The following PHACTR1 variants were observed in gnomAD, a reference collection of about 807,000 sequenced individuals.
PHACTR1 encodes the protein phosphatase and actin regulator 1.
In PHACTR1, 16 loss-of-function variants were observed where a neutral mutation model predicts 69.2. The ratio of observed to expected loss-of-function variants is 0.23; its 90% CI spans 0.16 to 0.35. The LOEUF is 0.35. Ranked by LOEUF, PHACTR1 falls within the 10% of genes least tolerant of loss-of-function variation. PHACTR1 has a pLI of 1.00. For missense variants in PHACTR1, 510 were observed against 734.7 expected, an observed-to-expected ratio of 0.69 and a Z score of 3.54; for synonymous variants, 312 against 284.5, an observed-to-expected ratio of 1.10 and a Z score of -0.97.
intron 3 of PHACTR1, among the ~76,000 whole-genome samples, chr6:12,726,252 TG>T (rs1177821067): frequency 6.6e-6 from 1 of 152,192 alleles, no homozygotes; most frequent in African/African-American, 2.4e-5. Context: ...AAGGGCTTTT[TG>T]ATATAGAATA....
At chr6:13,018,504 C>T (rs968243049) in intron 4 of PHACTR1, among the ~76,000 whole-genome samples, 3 of 152,076 alleles carry the variant, frequency 2.0e-5, no homozygotes, top group African/African-American at 4.8e-5. Context: ...ATATTAGCTG[C>T]GATTGCTAGC....
chr6:12,933,713 C>A (rs755193535), intron 4 of PHACTR1: 1 of 1,612,734 alleles, frequency 6.2e-7, no homozygotes, highest in Non-Finnish European at 8.5e-7. Context: ...TGGGCTCGAA[C>A]TGTGTTCCCT....
intron 5 of PHACTR1, among the ~76,000 whole-genome samples, chr6:13,127,264 T>C (rs1819677042): frequency 6.6e-6 from 1 of 152,186 alleles, no homozygotes. Context: ...TATCACCTGC[T>C]TTTAAGAAAC....
chr6:13,205,904 G>T lies in PHACTR1; in HGVS notation c.754G>T (p.Gly252Trp). The change falls in exon 8 of 15, where the codon GGG becomes TGG. Residue 252 changes from glycine (G) to tryptophan (W), a missense_variant. Transcript: ENST00000332995. ...GAAAGTCATGATCTGTATGCCCGTG[G>T]GGGGGCCAGACCTCTCACTGGTGTC... ...PKKVMICMPV[G>W]GPDLSLVSYT... 2 of 1,613,670 alleles carry T rather than the reference G, an allele frequency of 1.2e-6. No individual in the cohort carries two copies. Among genetic ancestry groups the T allele is most frequent in the Non-Finnish European group, 1.7e-6 (2 of 1,179,632 alleles).
chr6:13,183,049 G>A (rs933195307), intron 7 of PHACTR1, among the ~76,000 whole-genome samples: 5 of 151,976 alleles, frequency 3.3e-5, no homozygotes, highest in African/African-American at 7.3e-5. Flanking sequence ...TATCTAATTC[G>A]TCTGTCTGAA....
At chr6:12,846,100 A>C (rs1269412142) in intron 4 of PHACTR1, among the ~76,000 whole-genome samples, 1 of 152,148 alleles carries the variant, frequency 6.6e-6, no homozygotes, top group Non-Finnish European at 1.5e-5. Context: ...AAACAAACTG[A>C]GTTCCAAACA....
intron 5 of PHACTR1, among the ~76,000 whole-genome samples, chr6:13,057,398 AAAAG>A (rs1806965177): frequency 6.6e-6 from 1 of 152,216 alleles, no homozygotes; most frequent in African/African-American, 2.4e-5. Flanking sequence ...CACCATTTTA[AAAAG>A]AAAGAATAAG....
chr6:12,943,393 G>T lies in PHACTR1; in HGVS notation c.251-109972G>T, dbSNP rs147921280. Reference sequence around the variant, plus strand: ...GGTATGATTGTTTCTTGCCTACAGGGTTTCCTTTTGGGTTGATGAAAATAT... The same window carrying T: ...GGTATGATTGTTTCTTGCCTACAGGTTTTCCTTTTGGGTTGATGAAAATAT... On this transcript the variant is annotated intron_variant, in intron 4 of 14. Transcript: ENST00000332995. Among the ~76,000 whole-genome samples, 3 of 152,298 alleles carry T rather than the reference G, an allele frequency of 2.0e-5. 1 individual carries two copies. Among genetic ancestry groups the T allele is most frequent in the African/African-American group, 7.2e-5 (3 of 41,562 alleles).
At chr6:13,130,799 T>A (rs2127966228) in intron 5 of PHACTR1, among the ~76,000 whole-genome samples, 2 of 152,240 alleles carry the variant, frequency 1.3e-5, no homozygotes, top group Admixed American at 1.3e-4. Flanking sequence ...CCTCCCTAAA[T>A]CATTCTGTGA....
chr6:13,020,657 A>G (rs1800831614), intron 4 of PHACTR1, among the ~76,000 whole-genome samples: 1 of 152,208 alleles, frequency 6.6e-6, no homozygotes, highest in African/African-American at 2.4e-5. Context: ...TCAAGAGGCC[A>G]GAGGAGGGCA....
chr6:12,985,528 TAAAAA>T (rs149850503), intron 4 of PHACTR1, among the ~76,000 whole-genome samples: 11 of 134,900 alleles, frequency 8.2e-5, no homozygotes, highest in African/African-American at 2.7e-4. Context: ...TACTACAAAT[TAAAAA>T]AAAAAAAAAT....
intron 5 of PHACTR1, among the ~76,000 whole-genome samples, chr6:13,065,441 C>G (rs552681787): frequency 1.8e-4 from 28 of 152,012 alleles, no homozygotes; most frequent in South Asian, 4.2e-4. Flanking sequence ...CAGATCTTGA[C>G]AAGATGGTGT....
At chr6:12,854,816 T>G (rs1313547990) in intron 4 of PHACTR1, among the ~76,000 whole-genome samples, 1 of 152,088 alleles carries the variant, frequency 6.6e-6, no homozygotes, top group Non-Finnish European at 1.5e-5. Context: ...ATCAGAGAGA[T>G]GCAAGCCAAA....
chr6:13,277,016 G>A (rs1779063978), intron 11 of PHACTR1, among the ~76,000 whole-genome samples: 1 of 152,186 alleles, frequency 6.6e-6, no homozygotes, highest in African/African-American at 2.4e-5. Flanking sequence ...TTTAACGGCT[G>A]AGAATCACAG....
At chr6:13,019,016 G>T (rs1224761360) in intron 4 of PHACTR1, among the ~76,000 whole-genome samples, 1 of 150,282 alleles carries the variant, frequency 6.7e-6, no homozygotes, top group Non-Finnish European at 1.5e-5. Context: ...GCTAATTTGT[G>T]TATATATATA....
At position 12,821,908 on chromosome 6, in the gene PHACTR1, G is replaced by A. The variant is rs559632600; in HGVS notation, c.250+72118G>A. On this transcript the variant is annotated intron_variant, in intron 4 of 14. Transcript: ENST00000332995. Reference sequence around the variant, plus strand: ...GACTTTGGGTCACAGGCTTGACTGCGTCTTTGTACATATTGTTCGGTATTC... The same window carrying A: ...GACTTTGGGTCACAGGCTTGACTGCATCTTTGTACATATTGTTCGGTATTC... Among the ~76,000 whole-genome samples the A allele has an allele frequency of 8.8e-4, 134 of 152,284 alleles. 2 individuals are homozygous for A. The highest frequency in any genetic ancestry group is 2.8e-3 in the African/African-American group (115 of 41,554).
At chr6:12,781,982 T>C (rs1297897268) in intron 4 of PHACTR1, among the ~76,000 whole-genome samples, 1 of 152,222 alleles carries the variant, frequency 6.6e-6, no homozygotes, top group South Asian at 2.1e-4. Context: ...CTGACACTCA[T>C]TCCCGAATGC....
chr6:12,752,436 A>G (rs1766735799), intron 4 of PHACTR1, among the ~76,000 whole-genome samples: 1 of 152,094 alleles, frequency 6.6e-6, no homozygotes, highest in South Asian at 2.1e-4. Context: ...TTTCTTTCCA[A>G]TCCTGCCCCC....
chr6:12,876,323 A>G (rs1782525848), intron 4 of PHACTR1, among the ~76,000 whole-genome samples: 1 of 152,222 alleles, frequency 6.6e-6, no homozygotes. Flanking sequence ...CTTCATAATG[A>G]TCCAATGACC....
Sources: allele counts gnomAD v4.1 joint callset (sites outside exome capture counted in the v4.1 genomes callset), GRCh38; gene constraint gnomAD v4.1.1; transcripts MANE v1.5; gene names NCBI Gene and HGNC (gene_info 2026-07-23, HGNC 2026-07-21).